Variants in TAMM41 observed in about 807,000 individuals in gnomAD.
The protein encoded by TAMM41 is TAM41 mitochondrial translocator assembly and maintenance homolog.
TAMM41 carries 36 observed loss-of-function variants against 44.1 expected under a neutral mutation model. The observed-to-expected ratio is 0.82, with a 90% CI of 0.63 to 1.08. TAMM41 has a LOEUF of 1.08. TAMM41 is among the 50% of genes least tolerant of loss of function. The probability of loss-of-function intolerance (pLI) is 0.00; values close to 1 mark genes in which losing one functional copy is unlikely to be tolerated. For missense variants in TAMM41, 417 were observed against 404.3 expected, an observed-to-expected ratio of 1.03 and a Z score of -0.27; for synonymous variants, 164 against 153.1, an observed-to-expected ratio of 1.07 and a Z score of -0.53.
At chr3:11,752,827 T>A in the TAMM41 span, among the ~76,000 whole-genome samples, 1 of 151,628 alleles carries the variant, frequency 6.6e-6, no homozygotes, top group Non-Finnish European at 1.5e-5. Flanking sequence ...TTTTATTTTT[T>A]AATTTTTTGT....
intron 6 of TAMM41, chr3:11,808,496 C>G: frequency 1.0e-6 from 1 of 985,906 alleles, no homozygotes; most frequent in African/African-American, 1.7e-5. Flanking sequence ...GGAGCGCCTG[C>G]TGCAGCTCAT....
chr3:11,829,684 G>A, intron 4 of TAMM41, 30 bp downstream of exon 4: 1 of 1,612,024 alleles, frequency 6.2e-7, no homozygotes, highest in East Asian at 2.2e-5. Flanking sequence ...TCTCTCCCTT[G>A]TAGAACATCT....
the TAMM41 span, among the ~76,000 whole-genome samples, chr3:11,752,896 C>T: frequency 6.6e-6 from 1 of 151,434 alleles, no homozygotes; most frequent in Non-Finnish European, 1.5e-5. Context: ...CTCTAGCGAT[C>T]GTCCTGCCTT....
intron 3 of TAMM41, among the ~76,000 whole-genome samples, chr3:11,838,349 G>C (rs117068336): frequency 2.0e-5 from 3 of 152,192 alleles, no homozygotes; most frequent in Non-Finnish European, 4.4e-5. Flanking sequence ...CCCAGTAGCT[G>C]GGATTGCAGG....
the TAMM41 span, among the ~76,000 whole-genome samples, chr3:11,779,456 TA>T: frequency 2.0e-5 from 3 of 152,168 alleles, no homozygotes; most frequent in African/African-American, 4.8e-5. Context: ...ACACACCTCT[TA>T]CCAGGCCCTA....
chr3:11,809,889 G>C (rs2078035607), intron 5 of TAMM41: 2 of 463,052 alleles, frequency 4.3e-6, no homozygotes, highest in East Asian at 7.0e-5. Context: ...GACAATTCTT[G>C]TCCTATAATA....
chr3:11,743,578 C>G, the TAMM41 span, among the ~76,000 whole-genome samples: 1 of 152,260 alleles, frequency 6.6e-6, no homozygotes, highest in East Asian at 1.9e-4. Flanking sequence ...AGTGATCCAC[C>G]TGCCTCGACC....
At chr3:11,723,528 C>T in the TAMM41 span, among the ~76,000 whole-genome samples, 2 of 148,572 alleles carry the variant, frequency 1.3e-5, no homozygotes, top group African/African-American at 2.5e-5. Context: ...CTACAGTGAT[C>T]TGTGTTGATA....
intron 4 of TAMM41, among the ~76,000 whole-genome samples, chr3:11,823,230 T>C (rs912783554): frequency 3.3e-5 from 5 of 152,034 alleles, no homozygotes; most frequent in African/African-American, 9.7e-5. Context: ...TGGATTGTCT[T>C]TTCATTGTTT....
chr3:11,784,800 T>C, the TAMM41 span, among the ~76,000 whole-genome samples: 38 of 129,634 alleles, frequency 2.9e-4, no homozygotes, highest in African/African-American at 5.2e-4. Flanking sequence ...TCTTTTCTTT[T>C]TTTTTTTTTT....
chr3:11,754,594 C>T, the TAMM41 span, among the ~76,000 whole-genome samples: 23 of 151,990 alleles, frequency 1.5e-4, no homozygotes, highest in South Asian at 4.8e-3. Flanking sequence ...GTTTTGAACT[C>T]CTGGGCTTAA....
chr3:11,821,840 A>C (rs1259810710), intron 4 of TAMM41, among the ~76,000 whole-genome samples: 1 of 152,082 alleles, frequency 6.6e-6, no homozygotes, highest in East Asian at 1.9e-4. Flanking sequence ...CAGGTTGGGC[A>C]ACCCTAATCT....
the TAMM41 span, among the ~76,000 whole-genome samples, chr3:11,755,947 C>A: frequency 7.0e-3 from 1,060 of 151,120 alleles, 13 homozygotes; most frequent in African/African-American, 0.025. Flanking sequence ...TAATGGGGGG[C>A]AAAACATGTT....
rs575396290 is a variant in TAMM41, at chr3:11,809,365, G to C, written c.874+152C>G. 11 of 841,906 alleles carry C rather than the reference G, an allele frequency of 1.3e-5. No individual in the cohort carries two copies. In the East Asian group the frequency reaches 2.0e-4, roughly 15 times the overall value. The allele number at this position is 841,906 out of a possible 1,614,324, so 52.2% of individuals were successfully genotyped here. On this transcript the variant is annotated intron_variant, in intron 6 of 7. Transcript: ENST00000455809. ...TCAAACAAATAAAAATGCAGATTTA[G>C]AAAACCCTCAAATTTTTAGTGCTTT...
At chr3:11,775,446 G>A in the TAMM41 span, among the ~76,000 whole-genome samples, 1 of 152,160 alleles carries the variant, frequency 6.6e-6, no homozygotes, top group Non-Finnish European at 1.5e-5. Flanking sequence ...TCACCAAGGT[G>A]GCCAGGACCT....
chr3:11,834,045 C>A (rs1559318476), intron 3 of TAMM41, among the ~76,000 whole-genome samples: 2 of 152,052 alleles, frequency 1.3e-5, no homozygotes, highest in African/African-American at 4.8e-5. Flanking sequence ...GAGTTCAAGA[C>A]CAGTCTGGGC....
chr3:11,759,930 C>T, the TAMM41 span, among the ~76,000 whole-genome samples: 10 of 151,774 alleles, frequency 6.6e-5, no homozygotes, highest in African/African-American at 1.9e-4. Flanking sequence ...GCCGAGATCG[C>T]GCCATTGCAC....
the TAMM41 span, among the ~76,000 whole-genome samples, chr3:11,755,225 A>C: frequency 6.6e-6 from 1 of 152,060 alleles, no homozygotes; most frequent in South Asian, 2.1e-4. Flanking sequence ...CCTAACACAC[A>C]CAGGCTTTCT....
At chr3:11,790,291 A>G (rs2077449512), downstream of TAMM41, among the ~76,000 whole-genome samples, 1 of 152,220 alleles carries the variant, frequency 6.6e-6, no homozygotes. Context: ...GACTTTGTAC[A>G]TGGAGAGGGT....
Sources: allele counts gnomAD v4.1 joint callset (sites outside exome capture counted in the v4.1 genomes callset), GRCh38; gene constraint gnomAD v4.1.1; transcripts MANE v1.5; gene names NCBI Gene and HGNC (gene_info 2026-07-23, HGNC 2026-07-21).